Variants in SORCS2 observed in about 807,000 individuals in gnomAD.
SORCS2 encodes the protein sortilin related VPS10 domain containing receptor 2.
In SORCS2, 100 loss-of-function variants were observed where a neutral mutation model predicts 141.6. That is an observed-to-expected ratio of 0.71 (90% CI 0.60 to 0.83). SORCS2 has a LOEUF of 0.83. Ranked by LOEUF, SORCS2 falls within the 40% of genes least tolerant of loss-of-function variation. The pLI, the probability that SORCS2 is intolerant of heterozygous loss-of-function variation, is 0.00. For missense variants in SORCS2, 1,646 were observed against 1,560.2 expected (o/e 1.05, Z -0.93); for synonymous variants, 789 against 676.9 (o/e 1.17, Z -2.57).
At position 7,606,072 on chromosome 4, in the gene SORCS2, G is replaced by A. The variant is rs562021920; in HGVS notation, c.649-32256G>A. Among the ~76,000 whole-genome samples the A allele has an allele frequency of 4.3e-4, 65 of 152,238 alleles. No individual in the cohort carries two copies. The South Asian group carries it at 0.01, about 24-fold the overall frequency. ...TCTGGCCGGTTGCATGAGTGGAGAC[G>A]GGGACTCCTTGAATTCCGAGCATTG... On this transcript the variant is annotated intron_variant, in intron 3 of 26. Coordinates refer to ENST00000507866, the MANE Select transcript of SORCS2 (RefSeq NM_020777.3).
intron 3 of SORCS2, among the ~76,000 whole-genome samples, chr4:7,599,935 C>G (rs534663741): frequency 6.6e-6 from 1 of 151,698 alleles, no homozygotes; most frequent in Non-Finnish European, 1.5e-5. Flanking sequence ...GCAATTCTCA[C>G]GCCTCAGCCT....
chr4:7,611,593 C>G (rs937998019), intron 3 of SORCS2, among the ~76,000 whole-genome samples: 1 of 152,184 alleles, frequency 6.6e-6, no homozygotes, highest in Non-Finnish European at 1.5e-5. Context: ...GAAGTGGGGA[C>G]CCTCATGGCT....
chr4:7,497,923 C>T (rs1005375819), intron 2 of SORCS2, among the ~76,000 whole-genome samples: 23 of 152,246 alleles, frequency 1.5e-4, no homozygotes, highest in Admixed American at 6.5e-4. Flanking sequence ...TTAAGAAATG[C>T]GTTTCACTGA....
chr4:7,703,347 C>A lies in SORCS2; in HGVS notation c.1736C>A (p.Thr579Asn), dbSNP rs1205525755. 6.2e-7 allele frequency: 1 copy of A among 1,613,402 alleles called. No homozygotes were observed. The highest frequency in any genetic ancestry group is 1.7e-5 in the Admixed American group (1 of 59,976). ...GGCGTGATCGTGGCCATCAAAGACA[C>A]CTCCATCCCTTTGAAGATCCTCAAG... Reference protein sequence around the residue: ...HGGVIVAIKDTSIPLKILKFS... With the variant: ...HGGVIVAIKDNSIPLKILKFS... Residue 579 changes from threonine (T) to asparagine (N), a missense_variant, in exon 13 of 27, where the codon ACC becomes AAC. Physicochemically the swap from Thr to Asn is moderately conservative, Grantham distance 65. Transcript: ENST00000507866.
At chr4:7,285,456 C>T (rs570974801) in intron 1 of SORCS2, among the ~76,000 whole-genome samples, 1 of 152,362 alleles carries the variant, frequency 6.6e-6, no homozygotes, top group African/African-American at 2.4e-5. Flanking sequence ...CATGCACTCC[C>T]CCACACTGTT....
intron 3 of SORCS2, among the ~76,000 whole-genome samples, 189 bp from the exon 4 acceptor site, chr4:7,638,139 C>T (rs1346429515): frequency 2.0e-5 from 3 of 151,994 alleles, no homozygotes; most frequent in African/African-American, 7.2e-5. Flanking sequence ...TGGGGGCGGG[C>T]CCGCCATTTC....
intron 2 of SORCS2, among the ~76,000 whole-genome samples, chr4:7,501,713 G>A (rs1436841475): frequency 6.6e-6 from 1 of 152,208 alleles, no homozygotes; most frequent in Non-Finnish European, 1.5e-5. Context: ...GAAGGAATCG[G>A]CAGGTGTATT....
intron 1 of SORCS2, among the ~76,000 whole-genome samples, chr4:7,283,486 G>A (rs1716018287): frequency 6.6e-6 from 1 of 152,152 alleles, no homozygotes; most frequent in African/African-American, 2.4e-5. Context: ...CCTCAGGGCG[G>A]GGGTCTGGAG....
chr4:7,397,588 C>T lies in SORCS2; in HGVS notation c.548+1233C>T, dbSNP rs143841647. ...ACAGATGTTCCCTGCCACGGCCCCC[C>T]GTTGCTTTGTGTGCTGGTGGGGTTG... On this transcript the variant is annotated intron_variant, in intron 2 of 26. Coordinates refer to ENST00000507866, the MANE Select transcript of SORCS2 (RefSeq NM_020777.3). Among the ~76,000 whole-genome samples, 16 of 152,216 alleles carry T rather than the reference C, an allele frequency of 1.1e-4. 1 individual carries two copies. The highest frequency in any genetic ancestry group is 3.3e-4 in the Admixed American group (5 of 15,294).
chr4:7,674,549 G>T (rs2108947072), intron 8 of SORCS2, among the ~76,000 whole-genome samples: 1 of 146,160 alleles, frequency 6.8e-6, no homozygotes, highest in Admixed American at 6.8e-5. Flanking sequence ...ACTCCAGCCT[G>T]GGCGACAGAG....
In SORCS2 at chr4:7,690,425, TGTGG is replaced by T. The variant is rs1339122274; in HGVS notation, c.1591+846_1591+849del. Among the ~76,000 whole-genome samples, 90 of 139,058 alleles carry T rather than the reference TGTGG, an allele frequency of 6.5e-4. 1 individual carries two copies. The highest frequency in any genetic ancestry group is 2.4e-3 in the African/African-American group (86 of 36,258). The allele number at this position is 139,058 out of a possible 152,430, so 91.2% of individuals were successfully genotyped here. On this transcript the variant is annotated intron_variant, in intron 11 of 26. Transcript: ENST00000507866. ...ATTGATGGATGGATGATGGTGGGTG[TGTGG>T]GTGGGTGGATGGATGGATGGATGAG...
rs571019820 is a variant in SORCS2, at chr4:7,734,258, C to T, written c.3209-14C>T. 1.2e-4 allele frequency: 186 copies of T among 1,581,424 alleles called. No homozygotes were observed. The East Asian group carries it at 2.7e-3, about 23-fold the overall frequency. On this transcript the variant is annotated splice_polypyrimidine_tract_variant and intron_variant, in intron 24 of 26. Transcript: ENST00000507866. ...GTGCCCGAGGTCCTCCACTGACAAC[C>T]GCTTTGCTTGCAGGTGCTGAGCAGC... is the stretch of plus-strand genomic sequence containing the variant.
At chr4:7,733,124 C>T (rs1372663910) in intron 23 of SORCS2, among the ~76,000 whole-genome samples, 198 bp from the exon 24 acceptor site, 1 of 148,286 alleles carries the variant, frequency 6.7e-6, no homozygotes, top group East Asian at 2.0e-4. Context: ...CAGAGGAGGG[C>T]CCTTCCTCCC....
intron 2 of SORCS2, among the ~76,000 whole-genome samples, chr4:7,492,438 C>T (rs770916759): frequency 9.9e-5 from 15 of 152,224 alleles, no homozygotes; most frequent in South Asian, 2.1e-4. Context: ...ACTAGGATTC[C>T]GCGGTGTGGA....
At chr4:7,207,244 C>T (rs1247097020) in intron 1 of SORCS2, among the ~76,000 whole-genome samples, 1 of 152,198 alleles carries the variant, frequency 6.6e-6, no homozygotes, top group Non-Finnish European at 1.5e-5. Context: ...GTCTTTTCTT[C>T]CAATCCACAT....
At position 7,244,771 on chromosome 4, in the gene SORCS2, G is replaced by A. The variant is rs116176887; in HGVS notation, c.480+51645G>A. ...AAACAATTAGGGGTGAACTGTTTTC[G>A]GCCATTGGGAAAAGGAGGCTGCAGC... is the stretch of plus-strand genomic sequence containing the variant. On this transcript the variant is annotated intron_variant, in intron 1 of 26. Coordinates refer to ENST00000507866, the MANE Select transcript of SORCS2 (RefSeq NM_020777.3). 9.5e-3 allele frequency among the ~76,000 whole-genome samples: 1,452 copies of A among 152,292 alleles called. 24 individuals carry two copies. The highest frequency in any genetic ancestry group is 0.033 in the African/African-American group (1,377 of 41,558).
At chr4:7,647,562 C>T (rs1288742641) in intron 4 of SORCS2, among the ~76,000 whole-genome samples, 1 of 152,106 alleles carries the variant, frequency 6.6e-6, no homozygotes, top group Non-Finnish European at 1.5e-5. Flanking sequence ...AGAGAAGGGA[C>T]GTTTGCTGCA....
intron 3 of SORCS2, among the ~76,000 whole-genome samples, chr4:7,593,165 T>G (rs572175411): frequency 3.2e-4 from 49 of 152,166 alleles, no homozygotes; most frequent in African/African-American, 8.9e-4. Context: ...AGGCCCTGTT[T>G]CAAAAAACAA....
intron 1 of SORCS2, among the ~76,000 whole-genome samples, chr4:7,363,432 C>G (rs1330023832): frequency 1.4e-5 from 2 of 145,402 alleles, no homozygotes; most frequent in African/African-American, 2.8e-5. Context: ...TCACCATTAT[C>G]ATCACCATCA....
Sources: allele counts gnomAD v4.1 joint callset (sites outside exome capture counted in the v4.1 genomes callset), GRCh38; gene constraint gnomAD v4.1.1; transcripts MANE v1.5; gene names NCBI Gene and HGNC (gene_info 2026-07-23, HGNC 2026-07-21).